Variants in TECRL observed in about 807,000 individuals in gnomAD.
TECRL encodes the protein trans-2,3-enoyl-CoA reductase-like.
In TECRL, 63 loss-of-function variants were observed where a neutral mutation model predicts 52.8. That is an observed-to-expected ratio of 1.19 (90% CI 0.97 to 1.47). The LOEUF (loss-of-function observed/expected upper bound fraction) is 1.47. Ranked by LOEUF, TECRL falls within the 40% of genes most tolerant of loss-of-function variation. The probability of loss-of-function intolerance (pLI) is 0.00; values close to 1 mark genes in which losing one functional copy is unlikely to be tolerated. For synonymous variants in TECRL, 164 were observed against 141.9 expected, an observed-to-expected ratio of 1.16 and a Z score of -1.10; for missense variants, 482 against 429.6, an observed-to-expected ratio of 1.12 and a Z score of -1.08.
At chr4:64,313,909 G>A (rs576261130) in intron 5 of TECRL, among the ~76,000 whole-genome samples, 70 of 146,124 alleles carry the variant, frequency 4.8e-4, no homozygotes, top group African/African-American at 1.7e-3. Context: ...CGAGGCGGGC[G>A]GATCACGAGG....
At chr4:64,281,330 T>C in intron 10 of TECRL, 144 bp downstream of exon 10, 1 of 599,356 alleles carries the variant, frequency 1.7e-6, no homozygotes, top group Non-Finnish European at 2.9e-6. Flanking sequence ...ATTGAAATGT[T>C]CTATTTTGTT....
At chr4:64,398,338 T>A (rs533990894) in intron 1 of TECRL, among the ~76,000 whole-genome samples, 52 of 152,306 alleles carry the variant, frequency 3.4e-4, no homozygotes, top group African/African-American at 1.3e-3. Flanking sequence ...ACTGGAGATG[T>A]AGCCTGGTGG....
At chr4:64,372,825 A>G (rs1047677181) in intron 2 of TECRL, among the ~76,000 whole-genome samples, 1 of 151,708 alleles carries the variant, frequency 6.6e-6, no homozygotes, top group Non-Finnish European at 1.5e-5. Flanking sequence ...TGTCATAAAA[A>G]TTAATTTGGT....
chr4:64,299,140 C>A (rs60774961), intron 8 of TECRL: 31,845 of 151,000 alleles, frequency 0.21, 3,515 homozygotes, highest in South Asian at 0.28. Context: ...AAAGCCAACA[C>A]AGTGGAGGAC....
At chr4:64,388,050 A>T (rs1160223292) in intron 1 of TECRL, among the ~76,000 whole-genome samples, 1 of 151,220 alleles carries the variant, frequency 6.6e-6, no homozygotes, top group Non-Finnish European at 1.5e-5. Context: ...CATCTTATTA[A>T]TTTTTTTTCA....
chr4:64,402,570 T>C (rs1724426853), intron 1 of TECRL, among the ~76,000 whole-genome samples: 1 of 152,022 alleles, frequency 6.6e-6, no homozygotes, highest in Non-Finnish European at 1.5e-5. Flanking sequence ...TTTTGGACAA[T>C]ACGGAATGAA....
At chr4:64,401,212 C>A (rs1028015844) in intron 1 of TECRL, among the ~76,000 whole-genome samples, 5 of 152,320 alleles carry the variant, frequency 3.3e-5, no homozygotes, top group African/African-American at 1.2e-4. Flanking sequence ...GAAAAATAGT[C>A]CAAATGCCCT....
chr4:64,293,431 C>A (rs1386029218), intron 8 of TECRL, among the ~76,000 whole-genome samples: 1 of 152,040 alleles, frequency 6.6e-6, no homozygotes, highest in Non-Finnish European at 1.5e-5. Context: ...CCGTGCTCTA[C>A]AATTTTTTTA....
rs930627342 is a variant in TECRL, at chr4:64,375,124, G to A, written c.286+48C>T. ...CTTATAGAAAAATTTAAACCTATTT[G>A]AAAATAAAACATTATGATGTAAATT... On this transcript the variant is annotated intron_variant, in intron 2 of 11. Coordinates refer to ENST00000381210, the MANE Select transcript of TECRL (RefSeq NM_001010874.5). 73 of 1,003,474 alleles carry A rather than the reference G, an allele frequency of 7.3e-5. No homozygotes were observed. The East Asian group carries it at 2.2e-3, about 31-fold the overall frequency. 62.2% of individuals were successfully genotyped at this position (1,003,474 alleles called of 1,614,324 possible). A position where few individuals can be genotyped will look rare whatever the true frequency, so the allele number is the denominator to read the frequency against.
chr4:64,347,354 G>T (rs1446835086), intron 2 of TECRL, among the ~76,000 whole-genome samples: 1 of 152,144 alleles, frequency 6.6e-6, no homozygotes, highest in East Asian at 1.9e-4. Context: ...GTGTCCAGCT[G>T]CCCATGTGAC....
chr4:64,281,982 C>T (rs1275580230), intron 9 of TECRL, among the ~76,000 whole-genome samples: 1 of 151,768 alleles, frequency 6.6e-6, no homozygotes, highest in Admixed American at 6.6e-5. Context: ...TTATTAAATA[C>T]CTCAAAAATC....
chr4:64,333,693 G>A (rs1272772942), intron 2 of TECRL, among the ~76,000 whole-genome samples: 1 of 152,092 alleles, frequency 6.6e-6, no homozygotes, highest in African/African-American at 2.4e-5. Flanking sequence ...ATTAGTTGGG[G>A]AATGGAATGC....
At chr4:64,317,019 C>G (rs1237594152) in intron 4 of TECRL, among the ~76,000 whole-genome samples, 4 of 152,156 alleles carry the variant, frequency 2.6e-5, no homozygotes, top group African/African-American at 7.2e-5. Context: ...TGGCTCTCGC[C>G]TGTAATCCCA....
rs535263613 is a variant in TECRL, at chr4:64,407,674, G to T, written c.234+1444C>A. Reference sequence around the variant, plus strand: ...TTATTTGATTTTCATTCCATTTGTTGCACTGTGTCCTTGAATTTAACTGTG... The same window carrying T: ...TTATTTGATTTTCATTCCATTTGTTTCACTGTGTCCTTGAATTTAACTGTG... On this transcript the variant is annotated intron_variant, in intron 1 of 11. Transcript: ENST00000381210. 4.0e-5 allele frequency among the ~76,000 whole-genome samples: 6 copies of T among 151,696 alleles called. No homozygotes were observed. In the South Asian group the frequency reaches 1.0e-3, roughly 26 times the overall value.
intron 1 of TECRL, among the ~76,000 whole-genome samples, chr4:64,388,210 A>G (rs1318453483): frequency 2.4e-5 from 3 of 125,538 alleles, no homozygotes; most frequent in Non-Finnish European, 4.9e-5. Flanking sequence ...GTGTAAGATG[A>G]GTCTAAATCC....
At chr4:64,298,634 G>A (rs1723826437) in intron 8 of TECRL, among the ~76,000 whole-genome samples, 1 of 150,886 alleles carries the variant, frequency 6.6e-6, no homozygotes, top group South Asian at 2.1e-4. Flanking sequence ...TGAGAAAAGG[G>A]AAGAAATTAA....
At chr4:64,320,667 T>C (rs1185431536) in intron 4 of TECRL, among the ~76,000 whole-genome samples, 1 of 152,070 alleles carries the variant, frequency 6.6e-6, no homozygotes, top group African/African-American at 2.4e-5. Context: ...AATGGTTTAA[T>C]GCTGCTCACC....
At chr4:64,374,024 A>T (rs1016904623) in intron 2 of TECRL, among the ~76,000 whole-genome samples, 4 of 135,544 alleles carry the variant, frequency 3.0e-5, no homozygotes, top group Non-Finnish European at 6.2e-5. Context: ...TATAGTAGAT[A>T]CATATATATA....
intron 8 of TECRL, among the ~76,000 whole-genome samples, chr4:64,291,536 A>T (rs1439754417): frequency 6.6e-6 from 1 of 151,996 alleles, no homozygotes; most frequent in East Asian, 1.9e-4. Context: ...GTGAAAAAAT[A>T]AGTTTTAGAA....
Sources: gnomAD v4.1 joint callset for allele counts (sites outside exome capture counted in the v4.1 genomes callset) on GRCh38, gnomAD v4.1.1 for gene constraint, MANE v1.5 for transcripts, NCBI Gene and HGNC (gene_info 2026-07-23, HGNC 2026-07-21) for gene names.